The following MCTP1 variants were observed in gnomAD, a reference collection of about 807,000 sequenced individuals.
The protein encoded by MCTP1 is multiple C2 and transmembrane domain containing 1, also known as multiple C2 and transmembrane domain-containing protein 1.
A neutral mutation model predicts 120.6 loss-of-function variants in MCTP1; 69 were observed. The observed-to-expected ratio is 0.57, with a 90% CI of 0.47 to 0.70. The LOEUF is 0.70. Among genes scored for constraint, MCTP1 ranks in the 30% least tolerant of loss-of-function variants. MCTP1 has a pLI of 0.00. For missense variants in MCTP1, 1,203 were observed against 1,248.8 expected (o/e 0.96, Z 0.55); for synonymous variants, 529 against 493.1 (o/e 1.07, Z -0.96).
chr5:94,922,039 G>A (rs1357038241), intron 7 of MCTP1, among the ~76,000 whole-genome samples: 2 of 152,132 alleles, frequency 1.3e-5, no homozygotes, highest in Non-Finnish European at 2.9e-5. Flanking sequence ...TCAGTGTGAT[G>A]GGCCTTACTT....
intron 12 of MCTP1, 145 bp downstream of exon 12, chr5:94,888,734 G>T: frequency 1.9e-6 from 1 of 521,566 alleles, no homozygotes; most frequent in Non-Finnish European, 3.4e-6. Flanking sequence ...TCAGGGGGTT[G>T]GCAAATATTT....
chr5:94,818,647 G>A (rs998356617), intron 17 of MCTP1, among the ~76,000 whole-genome samples: 2 of 152,160 alleles, frequency 1.3e-5, no homozygotes, highest in African/African-American at 4.8e-5. Context: ...CTACAGTCAG[G>A]AAAGAGAAGA....
At chr5:95,166,250 A>C (rs1746339264) in intron 1 of MCTP1, 1 of 151,920 alleles carries the variant, frequency 6.6e-6, no homozygotes. Flanking sequence ...TCTCTATACC[A>C]CTCAAAGGAA....
chr5:95,265,965 A>C (rs754828031), intron 1 of MCTP1, among the ~76,000 whole-genome samples: 5 of 152,210 alleles, frequency 3.3e-5, no homozygotes, highest in Admixed American at 1.3e-4. Flanking sequence ...CCCAAAGAAG[A>C]GTCTCATATA....
chr5:94,948,285 G>A (rs1179958448), intron 3 of MCTP1, among the ~76,000 whole-genome samples: 1 of 152,176 alleles, frequency 6.6e-6, no homozygotes, highest in Non-Finnish European at 1.5e-5. Context: ...GGTTACATGA[G>A]ATGATATTGG....
chr5:94,758,978 TGAGTA>T (rs1314030046), intron 19 of MCTP1, among the ~76,000 whole-genome samples: 1 of 152,240 alleles, frequency 6.6e-6, no homozygotes, highest in Non-Finnish European at 1.5e-5. Flanking sequence ...AAATTCATGC[TGAGTA>T]GAGAAAACCT....
intron 1 of MCTP1, among the ~76,000 whole-genome samples, chr5:95,181,477 C>A (rs189901415): frequency 1.3e-5 from 2 of 152,292 alleles, no homozygotes; most frequent in East Asian, 1.9e-4. Context: ...GGATGTCTTC[C>A]ATGATGACTT....
chr5:94,965,323 T>G (rs1189852170), intron 2 of MCTP1, among the ~76,000 whole-genome samples: 1 of 152,180 alleles, frequency 6.6e-6, no homozygotes, highest in Non-Finnish European at 1.5e-5. Flanking sequence ...CACTTCACTC[T>G]CTTTTCCTTA....
At chr5:94,820,659 C>T (rs900656094) in intron 17 of MCTP1, among the ~76,000 whole-genome samples, 3 of 152,130 alleles carry the variant, frequency 2.0e-5, no homozygotes, top group African/African-American at 4.8e-5. Context: ...CATGGTCTGT[C>T]CCTAATTGGC....
intron 1 of MCTP1, among the ~76,000 whole-genome samples, chr5:95,248,552 C>G (rs186613878): frequency 6.6e-6 from 1 of 152,306 alleles, no homozygotes; most frequent in East Asian, 1.9e-4. Context: ...ATTCCATGCT[C>G]ATGGATAGGA....
intron 19 of MCTP1, among the ~76,000 whole-genome samples, chr5:94,718,433 A>T (rs767756909): frequency 3.3e-5 from 5 of 152,212 alleles, no homozygotes; most frequent in Non-Finnish European, 7.3e-5. Flanking sequence ...CATTCAGGAC[A>T]TACTCACAGG....
chr5:95,052,194 G>A (rs57077656), intron 1 of MCTP1, among the ~76,000 whole-genome samples: 4,341 of 152,194 alleles, frequency 0.029, 230 homozygotes, highest in African/African-American at 0.1. Flanking sequence ...AGGATTCACC[G>A]CTTTCTGGGT....
intron 2 of MCTP1, among the ~76,000 whole-genome samples, chr5:94,953,894 AATATATATATGCAT>A (rs537462628): frequency 0.022 from 1,438 of 66,410 alleles, 270 homozygotes; most frequent in African/African-American, 0.091. Context: ...TATATATACA[AATATATATATGCAT>A]ATATATACAA....
chr5:94,951,804 A>G (rs1428787746), intron 3 of MCTP1, among the ~76,000 whole-genome samples: 1 of 152,136 alleles, frequency 6.6e-6, no homozygotes, highest in East Asian at 1.9e-4. Context: ...TTCGTGGGAG[A>G]AGGGTTGGCT....
intron 17 of MCTP1, chr5:94,867,507 T>C: frequency 1.6e-6 from 1 of 611,482 alleles, no homozygotes; most frequent in Non-Finnish European, 2.9e-6. Context: ...AATAAAGTCG[T>C]ATTCTGCTAA....
chr5:94,900,776 G>GA (rs1805300725), intron 10 of MCTP1, among the ~76,000 whole-genome samples: 1 of 152,152 alleles, frequency 6.6e-6, no homozygotes, highest in East Asian at 1.9e-4. Context: ...GTGATATTAA[G>GA]AAAGTCACTT....
intron 17 of MCTP1, among the ~76,000 whole-genome samples, chr5:94,865,761 GA>G (rs1796684842): frequency 6.6e-6 from 1 of 151,884 alleles, no homozygotes; most frequent in South Asian, 2.1e-4. Context: ...AGCTCTTTTA[GA>G]AAGGAAATAA....
intron 7 of MCTP1, among the ~76,000 whole-genome samples, chr5:94,920,060 T>C (rs1581360720): frequency 6.6e-6 from 1 of 152,228 alleles, no homozygotes; most frequent in East Asian, 1.9e-4. Context: ...AGGAAGTTCT[T>C]TATGTTTACT....
At chr5:94,714,456 C>T (rs1463890737) in intron 20 of MCTP1, among the ~76,000 whole-genome samples, 2 of 151,966 alleles carry the variant, frequency 1.3e-5, no homozygotes, top group African/African-American at 4.8e-5. Flanking sequence ...TTATTTTTTT[C>T]CTATCACAAT....
Sources: gnomAD v4.1 joint callset for allele counts (sites outside exome capture counted in the v4.1 genomes callset) on GRCh38, gnomAD v4.1.1 for gene constraint, MANE v1.5 for transcripts, NCBI Gene and HGNC (gene_info 2026-07-23, HGNC 2026-07-21) for gene names.